Variants in MANBA observed in about 807,000 individuals in gnomAD.
The protein encoded by MANBA is mannosidase beta.
In MANBA, 83 loss-of-function variants were observed where a neutral mutation model predicts 111.1. That is an observed-to-expected ratio of 0.75 (90% CI 0.63 to 0.90). The LOEUF is 0.90. Ranked by LOEUF, MANBA falls within the 40% of genes least tolerant of loss-of-function variation. The probability of loss-of-function intolerance (pLI) is 0.00; values close to 1 mark genes in which losing one functional copy is unlikely to be tolerated. For synonymous variants in MANBA, 370 were observed against 378.7 expected, an observed-to-expected ratio of 0.98 and a Z score of 0.27; for missense variants, 1,036 against 1,069.0, an observed-to-expected ratio of 0.97 and a Z score of 0.43.
chr4:102,705,527 C>A (rs1485614216), intron 5 of MANBA, among the ~76,000 whole-genome samples: 1 of 152,060 alleles, frequency 6.6e-6, no homozygotes, highest in African/African-American at 2.4e-5. Flanking sequence ...CATTTCAAAA[C>A]ACCCTGTGGA....
intron 1 of MANBA, chr4:102,751,949 G>A: frequency 1.5e-6 from 1 of 688,494 alleles, no homozygotes; most frequent in Non-Finnish European, 2.8e-6. Flanking sequence ...GCCCGACCGT[G>A]CTGCAGAGGT....
chr4:102,690,575 T>A, intron 6 of MANBA, 21 bp downstream of exon 6: 1 of 1,604,646 alleles, frequency 6.2e-7, no homozygotes, highest in African/African-American at 1.3e-5. Flanking sequence ...CCAGTGCTTC[T>A]CAGGAAGTAC....
chr4:102,757,057 C>T (rs1001945063), intron 1 of MANBA, among the ~76,000 whole-genome samples: 4 of 152,014 alleles, frequency 2.6e-5, no homozygotes, highest in African/African-American at 9.7e-5. Context: ...GGGCCAGGCA[C>T]GGTGGCTCAT....
rs539270136 is a variant in MANBA at position 102,639,191 on chromosome 4, C to T, written c.2014+522G>A. ...GGATTCTGCCTCTACTAGCTTTTCCCCAAGAGCTAAACAGGGCATAATAAA... is the reference window on the plus strand; with the variant it reads ...GGATTCTGCCTCTACTAGCTTTTCCTCAAGAGCTAAACAGGGCATAATAAA... On this transcript the variant is annotated intron_variant, in intron 14 of 16. Transcript: ENST00000647097. Among the ~76,000 whole-genome samples, 5 of 152,244 alleles carry T rather than the reference C, an allele frequency of 3.3e-5. No homozygotes were observed. In the East Asian group the frequency reaches 9.7e-4, roughly 29 times the overall value.
rs1286609859 is a variant in MANBA, at chr4:102,671,277, T to G, written c.1230+4A>C. 6.6e-7 allele frequency: 1 copy of G among 1,511,612 alleles called. No homozygotes were observed. Among genetic ancestry groups the G allele is most frequent in the African/African-American group, 1.4e-5 (1 of 72,700 alleles). The allele number at this position is 1,511,612 out of a possible 1,614,324, so 93.6% of individuals were successfully genotyped here. A position where few individuals can be genotyped will look rare whatever the true frequency, so the allele number is the denominator to read the frequency against. On this transcript the variant is annotated splice_donor_region_variant and intron_variant, in intron 9 of 16. Transcript: ENST00000647097. The stretch of plus-strand genomic sequence containing the variant: ...CAATATATAAAATGCTATCAACTTC[T>G]CACCATTATTCCTAGTTCATCACAG...
chr4:102,647,002 T>C (rs1730133738), intron 13 of MANBA, among the ~76,000 whole-genome samples: 2 of 151,960 alleles, frequency 1.3e-5, no homozygotes, highest in South Asian at 4.2e-4. Flanking sequence ...GCAAGCACTC[T>C]GTTCTTCAGA....
chr4:102,737,222 C>T (rs1288899782), intron 1 of MANBA, among the ~76,000 whole-genome samples: 1 of 152,090 alleles, frequency 6.6e-6, no homozygotes, highest in Non-Finnish European at 1.5e-5. Context: ...GAGCAGAATC[C>T]AGGAGCTTGG....
Position 102,650,874 on chromosome 4 carries a change from C to T in MANBA, c.1705-173G>A, listed in dbSNP as rs1310440877. Reference sequence around the variant, plus strand: ...CATCCTACTTGTTGCCAGTGAAGGACTAGCCTTGTGGAAACTGGAATCACA... The same window carrying T: ...CATCCTACTTGTTGCCAGTGAAGGATTAGCCTTGTGGAAACTGGAATCACA... On this transcript the variant is annotated intron_variant, in intron 12 of 16. Transcript: ENST00000647097. 11 of 610,682 alleles carry T rather than the reference C, an allele frequency of 1.8e-5. No homozygotes were observed. The East Asian group carries it at 3.1e-4, about 17-fold the overall frequency. The allele number at this position is 610,682 out of a possible 1,614,324, so 37.8% of individuals were successfully genotyped here.
chr4:102,754,756 C>A (rs1401447820), intron 1 of MANBA, among the ~76,000 whole-genome samples: 1 of 152,048 alleles, frequency 6.6e-6, no homozygotes, highest in African/African-American at 2.4e-5. Context: ...CGGGGTTTCA[C>A]CGTATTAGCC....
At chr4:102,657,619 C>A in intron 12 of MANBA, 63 bp downstream of exon 12, 1 of 1,300,478 alleles carries the variant, frequency 7.7e-7, no homozygotes, top group South Asian at 1.2e-5. Flanking sequence ...AACCAGTGAT[C>A]AGAATAAACA....
At chr4:102,688,671 C>T (rs1178113100) in intron 7 of MANBA, among the ~76,000 whole-genome samples, 2 of 152,156 alleles carry the variant, frequency 1.3e-5, no homozygotes, top group South Asian at 2.1e-4. Context: ...CAAGCCATCT[C>T]GTTCTTATTG....
intron 7 of MANBA, among the ~76,000 whole-genome samples, chr4:102,674,560 T>G (rs189373784): frequency 6.6e-5 from 10 of 152,376 alleles, no homozygotes; most frequent in Admixed American, 2.0e-4. Context: ...ATGGGTAATT[T>G]AATCCTAATT....
At chr4:102,667,897 C>A (rs1463813033) in intron 10 of MANBA, 2 of 152,160 alleles carry the variant, frequency 1.3e-5, no homozygotes. Context: ...TATGTCTCCA[C>A]AGTCTTGCAA....
intron 1 of MANBA, among the ~76,000 whole-genome samples, chr4:102,755,077 A>C (rs111966124): frequency 0.018 from 2,682 of 152,288 alleles, 72 homozygotes; most frequent in African/African-American, 0.054. Flanking sequence ...CGCCATCCCC[A>C]TCAAGCTACC....
intron 5 of MANBA, among the ~76,000 whole-genome samples, chr4:102,702,136 T>C (rs1330129551): frequency 1.4e-4 from 21 of 151,952 alleles, no homozygotes; most frequent in Non-Finnish European, 2.8e-4. Context: ...ATACCCTTTC[T>C]TCCAGTTGAT....
chr4:102,687,444 C>A (rs566962522), intron 7 of MANBA, among the ~76,000 whole-genome samples: 1 of 152,326 alleles, frequency 6.6e-6, no homozygotes, highest in East Asian at 1.9e-4. Flanking sequence ...CTAGGCCCTG[C>A]AGGACTTTGT....
chr4:102,722,196 G>A (rs1044645081), intron 4 of MANBA, among the ~76,000 whole-genome samples: 10 of 151,824 alleles, frequency 6.6e-5, no homozygotes, highest in Non-Finnish European at 4.4e-5. Flanking sequence ...AAAGCTCTGT[G>A]GTTACTTAAT....
chr4:102,688,353 A>G (rs572223299), intron 7 of MANBA, among the ~76,000 whole-genome samples: 1 of 147,938 alleles, frequency 6.8e-6, no homozygotes, highest in East Asian at 2.0e-4. Context: ...TCACACACAC[A>G]TACACACTCT....
chr4:102,662,166 G>A (rs767437640), intron 11 of MANBA, among the ~76,000 whole-genome samples: 10 of 152,140 alleles, frequency 6.6e-5, no homozygotes, highest in Non-Finnish European at 1.3e-4. Flanking sequence ...ATCAAAATGT[G>A]TAAGTATCTG....
Sources: gnomAD v4.1 joint callset for allele counts (sites outside exome capture counted in the v4.1 genomes callset) on GRCh38, gnomAD v4.1.1 for gene constraint, MANE v1.5 for transcripts, NCBI Gene and HGNC (gene_info 2026-07-23, HGNC 2026-07-21) for gene names.